The following KDM5B variants were observed in gnomAD, a reference collection of about 807,000 sequenced individuals.
KDM5B encodes lysine demethylase 5B.
A neutral mutation model predicts 193.4 loss-of-function variants in KDM5B; 144 were observed. The observed-to-expected ratio is 0.74, with a 90% CI of 0.65 to 0.86. The LOEUF (loss-of-function observed/expected upper bound fraction) is 0.86. KDM5B is among the 40% of genes least tolerant of loss of function. The pLI, the probability that KDM5B is intolerant of heterozygous loss-of-function variation, is 0.00. For synonymous variants in KDM5B, 668 were observed against 682.6 expected (o/e 0.98, Z 0.33); for missense variants, 1,833 against 1,886.9 (o/e 0.97, Z 0.53).
At chr1:202,789,677 A>T (rs1167095300) in intron 1 of KDM5B, among the ~76,000 whole-genome samples, 1 of 68,462 alleles carries the variant, frequency 1.5e-5, no homozygotes, top group Non-Finnish European at 3.4e-5. Flanking sequence ...GGACCCTATA[A>T]AAAAAATTTT....
chr1:202,740,594 C>CG, intron 20 of KDM5B, 80 bp downstream of exon 20: 1 of 1,368,720 alleles, frequency 7.3e-7, no homozygotes, highest in South Asian at 1.5e-5. Flanking sequence ...CTGACCCCCC[C>CG]ACCTCCCTCC....
chr1:202,801,306 T>C (rs963951959), intron 1 of KDM5B, among the ~76,000 whole-genome samples: 32 of 152,010 alleles, frequency 2.1e-4, no homozygotes, highest in Non-Finnish European at 4.0e-4. Flanking sequence ...GGGATGACTC[T>C]AAGGCCATGT....
intron 1 of KDM5B, among the ~76,000 whole-genome samples, chr1:202,782,875 G>C (rs1056534412): frequency 6.6e-6 from 1 of 152,110 alleles, no homozygotes. Context: ...TTCAAAACTT[G>C]AAAGTAAGCC....
At chr1:202,785,009 CAAA>C (rs11445160) in intron 1 of KDM5B, among the ~76,000 whole-genome samples, 10 of 89,368 alleles carry the variant, frequency 1.1e-4, no homozygotes, top group Admixed American at 4.4e-4. Flanking sequence ...GAGCCTGTCT[CAAA>C]AAAAAAAAAA....
intron 4 of KDM5B, among the ~76,000 whole-genome samples, chr1:202,768,174 G>C (rs1656553695): frequency 6.6e-6 from 1 of 152,022 alleles, no homozygotes; most frequent in African/African-American, 2.4e-5. Context: ...TCTCTTCTTT[G>C]GTTTTTCTTT....
At chr1:202,730,103 A>G (rs746421066) in intron 25 of KDM5B, 76 bp from the exon 26 acceptor site, 1 of 1,256,692 alleles carries the variant, frequency 8.0e-7, no homozygotes, top group Non-Finnish European at 1.1e-6. Context: ...TAAAGAGAAC[A>G]TGTAAATTAG....
At chr1:202,778,634 CT>C (rs796790667) in intron 1 of KDM5B, among the ~76,000 whole-genome samples, 17 of 152,108 alleles carry the variant, frequency 1.1e-4, no homozygotes, top group African/African-American at 4.1e-4. Context: ...TATTTATTCA[CT>C]TTTTGGAGAC....
intron 7 of KDM5B, 151 bp from the exon 8 acceptor site, chr1:202,760,724 A>T (rs1376245580): frequency 8.1e-6 from 4 of 491,884 alleles, no homozygotes; most frequent in Non-Finnish European, 1.0e-5. Context: ...TTTAAATAAA[A>T]ATGTTTCACT....
intron 1 of KDM5B, among the ~76,000 whole-genome samples, chr1:202,804,602 C>T (rs1031113611): frequency 3.9e-5 from 6 of 152,128 alleles, no homozygotes; most frequent in Non-Finnish European, 1.5e-5. Context: ...TTACACTTGG[C>T]TATAAAGATG....
At chr1:202,739,457 TTTTTTA>T (rs1231107862) in intron 20 of KDM5B, among the ~76,000 whole-genome samples, 7 of 151,824 alleles carry the variant, frequency 4.6e-5, no homozygotes, top group East Asian at 3.8e-4. Context: ...TTTTTTTGCC[TTTTTTA>T]TTTTTATTTT....
At chr1:202,767,709 A>AT (rs1194514693) in intron 4 of KDM5B, among the ~76,000 whole-genome samples, 3 of 152,152 alleles carry the variant, frequency 2.0e-5, no homozygotes, top group Admixed American at 2.0e-4. Flanking sequence ...ATTAAAAAAA[A>AT]TTTTAACAGG....
intron 1 of KDM5B, among the ~76,000 whole-genome samples, chr1:202,790,318 T>G (rs565537339): frequency 6.6e-6 from 1 of 152,114 alleles, no homozygotes; most frequent in South Asian, 2.1e-4. Context: ...TGGCTCACGC[T>G]TGTAACCTCA....
Position 202,749,008 on chromosome 1 carries a change from A to G in KDM5B, c.1953T>C (p.Val651=), listed in dbSNP as rs779548257. Residue 651 remains valine (V), a synonymous_variant, in exon 14 of 27, where the codon GTT becomes GTC. Transcript: ENST00000367265. ...CAATCATAATGGCCATGTCTTTCTG[A>G]ACAGTTGAAGCCACTACAACATCTA... ...DVLDVVVAST[V]QKDMAIMIED... 12 of 1,614,088 alleles carry G rather than the reference A, an allele frequency of 7.4e-6. No individual in the cohort carries two copies. The highest frequency in any genetic ancestry group is 7.6e-6 in the Non-Finnish European group (9 of 1,180,004).
chr1:202,796,161 C>T lies in KDM5B; in HGVS notation c.204+11941G>A, dbSNP rs917583824. 9 of 201,436 alleles carry T rather than the reference C, an allele frequency of 4.5e-5. 1 individual carries two copies. The highest frequency in any genetic ancestry group is 2.9e-4 in the South Asian group (4 of 13,832). 12.5% of individuals were successfully genotyped at this position (201,436 alleles called of 1,614,324 possible). The stretch of plus-strand genomic sequence containing the variant: ...AAGGTCCATTTGCAGCCTCAGTGCC[C>T]GCTGGTGGCCAGTGAGCTGACACCT... On this transcript the variant is annotated intron_variant, in intron 1 of 26. Transcript: ENST00000367265.
At chr1:202,798,865 T>A (rs749914892) in intron 1 of KDM5B, among the ~76,000 whole-genome samples, 5 of 151,632 alleles carry the variant, frequency 3.3e-5, no homozygotes, top group African/African-American at 9.7e-5. Flanking sequence ...TAAAAAAAAA[T>A]AATAATTCTG....
intron 14 of KDM5B, among the ~76,000 whole-genome samples, chr1:202,747,965 A>T (rs572851990): frequency 3.6e-4 from 54 of 152,066 alleles, no homozygotes; most frequent in African/African-American, 8.2e-4. Flanking sequence ...ACAATTTTTT[A>T]AAAAAAACAA....
At chr1:202,794,558 G>C (rs1254595674) in intron 1 of KDM5B, among the ~76,000 whole-genome samples, 1 of 152,184 alleles carries the variant, frequency 6.6e-6, no homozygotes, top group African/African-American at 2.4e-5. Flanking sequence ...GCTGGGAAAA[G>C]AAATCTTAGC....
chr1:202,764,872 G>A (rs1191145769), intron 5 of KDM5B, among the ~76,000 whole-genome samples: 1 of 152,152 alleles, frequency 6.6e-6, no homozygotes, highest in Non-Finnish European at 1.5e-5. Flanking sequence ...AGCTACTCAG[G>A]AGGCTGAGGC....
At position 202,733,502 on chromosome 1, in the gene KDM5B, G is replaced by C. The variant is rs776716706; in HGVS notation, c.3808C>G (p.Leu1270Val). The change falls in exon 23 of 27, where the codon CTT becomes GTT. Residue 1270 changes from leucine (L) to valine (V), a missense_variant. By Grantham distance (32) the Leu-to-Val change is conservative (BLOSUM62 1). Around this residue, in one of 3 missense-constraint regions of KDM5B, gnomAD observed 1,379 missense variants for 1,349.6 expected, o/e 1.02. Coordinates refer to ENST00000367265, the MANE Select transcript of KDM5B (RefSeq NM_006618.5). ...VNWQHRAQQL[L>V]SSGNLKFVQD... ...ACAAATTTAAGATTCCCTGACGAAA[G>C]CAGTTGCTGGGCTCTGTGCTGCCAG... is the stretch of plus-strand genomic sequence containing the variant. The C allele has an allele frequency of 6.2e-7, 1 of 1,614,156 alleles. No individual in the cohort carries two copies. The highest frequency in any genetic ancestry group is 2.2e-5 in the East Asian group (1 of 44,874).
Sources: gnomAD v4.1 joint callset for allele counts (sites outside exome capture counted in the v4.1 genomes callset) on GRCh38, gnomAD v4.1.1 for gene constraint, gnomAD v4.1.1 regional missense constraint, MANE v1.5 for transcripts, NCBI Gene and HGNC (gene_info 2026-07-23, HGNC 2026-07-21) for gene names.